The following KLF12 variants were observed in gnomAD, a reference collection of about 807,000 sequenced individuals.
KLF12 encodes the protein KLF transcription factor 12.
In KLF12, 9 loss-of-function variants were observed where a neutral mutation model predicts 37.8. The observed-to-expected ratio is 0.24, with a 90% CI of 0.14 to 0.42. The LOEUF is 0.42. KLF12 is among the 10% of genes least tolerant of loss of function. The probability of loss-of-function intolerance (pLI) is 1.00; values close to 1 mark genes in which losing one functional copy is unlikely to be tolerated. For synonymous variants in KLF12, 208 were observed against 202.1 expected (o/e 1.03, Z -0.25); for missense variants, 411 against 516.0 (o/e 0.80, Z 1.97).
the KLF12 span, chr13:74,289,062 A>G: frequency 6.6e-6 from 1 of 152,240 alleles, no homozygotes; most frequent in Non-Finnish European, 1.5e-5. Flanking sequence ...ACACCCAGAT[A>G]AACTTAAAGG....
chr13:73,919,601 C>T (rs1258252564), intron 3 of KLF12, among the ~76,000 whole-genome samples: 2 of 152,120 alleles, frequency 1.3e-5, no homozygotes, highest in African/African-American at 2.4e-5. Context: ...TTTGCCCTAA[C>T]GGGTAAATAA....
intron 3 of KLF12, among the ~76,000 whole-genome samples, chr13:73,937,500 G>A (rs1890001575): frequency 6.6e-6 from 1 of 152,150 alleles, no homozygotes; most frequent in Non-Finnish European, 1.5e-5. Flanking sequence ...ATAACTCTAG[G>A]AAAGGGCACT....
At chr13:73,733,408 C>T (rs550034987) in intron 6 of KLF12, among the ~76,000 whole-genome samples, 3 of 152,140 alleles carry the variant, frequency 2.0e-5, no homozygotes, top group Admixed American at 1.3e-4. Flanking sequence ...ATACAATATT[C>T]GTCTTTTTAT....
chr13:73,961,309 T>C (rs868264999), intron 2 of KLF12, among the ~76,000 whole-genome samples: 3 of 152,072 alleles, frequency 2.0e-5, no homozygotes, highest in African/African-American at 7.2e-5. Context: ...ATCTTTCCGG[T>C]TTCCTGCCTA....
At chr13:73,906,566 T>C (rs1282456378) in intron 3 of KLF12, among the ~76,000 whole-genome samples, 1 of 152,240 alleles carries the variant, frequency 6.6e-6, no homozygotes, top group African/African-American at 2.4e-5. Flanking sequence ...TGCTCACTTT[T>C]GTGGTTCATC....
At position 73,899,498 on chromosome 13, in the gene KLF12, G is replaced by C. The variant is rs144730763; in HGVS notation, c.123+44483C>G. 5.9e-5 allele frequency among the ~76,000 whole-genome samples: 9 copies of C among 152,280 alleles called. No homozygotes were observed. In the East Asian group the frequency reaches 1.7e-3, roughly 29 times the overall value. On this transcript the variant is annotated intron_variant, in intron 3 of 7. Coordinates refer to ENST00000377669, the MANE Select transcript of KLF12 (RefSeq NM_007249.5). ...GGAAAAGCTTAAAGTTGGATATGAG[G>C]CTTTGTGATGGTTACTGGCTTAAGG...
At chr13:73,776,651 T>G (rs1880626035) in intron 5 of KLF12, among the ~76,000 whole-genome samples, 1 of 152,236 alleles carries the variant, frequency 6.6e-6, no homozygotes, top group Non-Finnish European at 1.5e-5. Context: ...CACTGGTGTT[T>G]GGTTTCCACT....
the KLF12 span, among the ~76,000 whole-genome samples, chr13:74,283,871 T>TTTC: frequency 2.0e-5 from 3 of 151,440 alleles, no homozygotes; most frequent in Non-Finnish European, 4.4e-5. Context: ...TTTTTTTTTT[T>TTTC]TTCCCCAAGA....
chr13:74,250,773 A>C, the KLF12 span, among the ~76,000 whole-genome samples: 1 of 152,222 alleles, frequency 6.6e-6, no homozygotes, highest in Non-Finnish European at 1.5e-5. Context: ...AAATGAACTC[A>C]GCATTGCATA....
At chr13:73,839,260 T>TTA (rs1010582833) in intron 4 of KLF12, among the ~76,000 whole-genome samples, 3 of 130,246 alleles carry the variant, frequency 2.3e-5, no homozygotes, top group African/African-American at 1.0e-4. Context: ...ACCTGGTTAT[T>TTA]TTTTTTTTTT....
intron 1 of KLF12, among the ~76,000 whole-genome samples, chr13:74,060,454 C>T (rs920984507): frequency 1.4e-5 from 2 of 146,408 alleles, no homozygotes; most frequent in African/African-American, 2.6e-5. Flanking sequence ...AGACATCTTT[C>T]GCCTCCGTGG....
At chr13:74,223,556 T>C in the KLF12 span, among the ~76,000 whole-genome samples, 3 of 152,180 alleles carry the variant, frequency 2.0e-5, no homozygotes, top group Non-Finnish European at 4.4e-5. Flanking sequence ...TTGAACTGTC[T>C]CTGGGACCCA....
intron 6 of KLF12, among the ~76,000 whole-genome samples, chr13:73,754,408 C>T (rs182337875): frequency 2.6e-5 from 4 of 152,034 alleles, no homozygotes; most frequent in Admixed American, 1.3e-4. Context: ...CTGGTGTGCC[C>T]GGGACCCTTG....
intron 7 of KLF12, among the ~76,000 whole-genome samples, chr13:73,698,576 T>G (rs1475889383): frequency 6.6e-6 from 1 of 152,186 alleles, no homozygotes; most frequent in African/African-American, 2.4e-5. Context: ...TTTTACAATT[T>G]TAAAGGTTGA....
At chr13:74,184,238 C>T in the KLF12 span, among the ~76,000 whole-genome samples, 62,829 of 152,024 alleles carry the variant, frequency 0.41, 16,144 homozygotes, top group East Asian at 0.74. Flanking sequence ...AGATTATATT[C>T]TTATATCATG....
chr13:74,144,686 G>A, the KLF12 span, among the ~76,000 whole-genome samples: 2 of 152,152 alleles, frequency 1.3e-5, no homozygotes, highest in Non-Finnish European at 2.9e-5. Context: ...GTACTTTTAT[G>A]TCTAAGTATT....
chr13:73,974,003 A>T (rs1423296416), intron 2 of KLF12, among the ~76,000 whole-genome samples: 1 of 152,160 alleles, frequency 6.6e-6, no homozygotes, highest in Non-Finnish European at 1.5e-5. Flanking sequence ...CATGACTAAA[A>T]ATAAAGGAAT....
intron 3 of KLF12, among the ~76,000 whole-genome samples, chr13:73,897,200 T>TA (rs970624786): frequency 4.0e-5 from 6 of 151,162 alleles, no homozygotes; most frequent in African/African-American, 1.5e-4. Flanking sequence ...ATGAAAAATT[T>TA]AAAAAAAAAT....
In KLF12 at chr13:73,894,014, C is replaced by T. The variant is rs1193895335; in HGVS notation, c.124-47641G>A. Reference sequence around the variant, plus strand: ...ACAAGGGCTCTTAGGAGCTGGCTAACGAGCAAGTAACTACTGCCAAAAAAG... The same window carrying T: ...ACAAGGGCTCTTAGGAGCTGGCTAATGAGCAAGTAACTACTGCCAAAAAAG... On this transcript the variant is annotated intron_variant, in intron 3 of 7. Transcript: ENST00000377669. Among the ~76,000 whole-genome samples the T allele has an allele frequency of 3.9e-5, 6 of 152,262 alleles. No homozygotes were observed. The East Asian group carries it at 7.7e-4, about 20-fold the overall frequency.
Sources: gnomAD v4.1 joint callset for allele counts (sites outside exome capture counted in the v4.1 genomes callset) on GRCh38, gnomAD v4.1.1 for gene constraint, MANE v1.5 for transcripts, NCBI Gene and HGNC (gene_info 2026-07-23, HGNC 2026-07-21) for gene names.